The following OXR1 variants were observed in gnomAD, a reference collection of about 807,000 sequenced individuals.
The protein encoded by OXR1 is oxidation resistance protein 1.
OXR1 carries 41 observed loss-of-function variants against 104.6 expected under a neutral mutation model. The ratio of observed to expected loss-of-function variants is 0.39; its 90% CI spans 0.31 to 0.51. The LOEUF (loss-of-function observed/expected upper bound fraction) is 0.51. Among genes scored for constraint, OXR1 ranks in the 20% least tolerant of loss-of-function variants. The pLI is 0.77. For synonymous variants in OXR1, 348 were observed against 348.4 expected (o/e 1.00, Z 0.01); for missense variants, 955 against 1,031.9 (o/e 0.93, Z 1.02).
At chr8:106,694,473 TTA>T (rs1313735842) in intron 7 of OXR1, among the ~76,000 whole-genome samples, 257 of 120,056 alleles carry the variant, frequency 2.1e-3, no homozygotes, top group Non-Finnish European at 3.3e-3. Context: ...ATAAATATAT[TTA>T]TATATATATT....
chr8:106,585,493 T>C (rs952246875), intron 3 of OXR1, among the ~76,000 whole-genome samples: 1 of 152,178 alleles, frequency 6.6e-6, no homozygotes, highest in Admixed American at 6.5e-5. Context: ...AAATTTTACA[T>C]TATTTCATTA....
chr8:106,634,820 A>G (rs1232617750), intron 3 of OXR1, among the ~76,000 whole-genome samples: 1 of 151,920 alleles, frequency 6.6e-6, no homozygotes, highest in African/African-American at 2.4e-5. Context: ...TATTTCTGTA[A>G]CAAGCTCTTG....
At chr8:106,305,290 G>C (rs1480160511) in intron 1 of OXR1, among the ~76,000 whole-genome samples, 1 of 152,054 alleles carries the variant, frequency 6.6e-6, no homozygotes, top group Non-Finnish European at 1.5e-5. Context: ...ATTTTATAAA[G>C]AGATAATAAA....
At chr8:106,676,912 G>A (rs1434081389) in intron 3 of OXR1, among the ~76,000 whole-genome samples, 1 of 151,852 alleles carries the variant, frequency 6.6e-6, no homozygotes. Context: ...TTTTCCATTT[G>A]TTTTTCAAAC....
intron 2 of OXR1, among the ~76,000 whole-genome samples, chr8:106,405,424 T>A (rs1040798920): frequency 2.0e-5 from 3 of 152,032 alleles, no homozygotes; most frequent in Non-Finnish European, 4.4e-5. Context: ...TCTTTATCTC[T>A]TCTGTGAAAG....
chr8:106,277,652 A>T (rs1053472946), intron 1 of OXR1, among the ~76,000 whole-genome samples: 2 of 152,340 alleles, frequency 1.3e-5, no homozygotes, highest in Middle Eastern at 3.4e-3. Flanking sequence ...GTTGCACTGC[A>T]GTTTCCATTG....
intron 3 of OXR1, among the ~76,000 whole-genome samples, chr8:106,622,510 G>A (rs768994344): frequency 7.3e-6 from 1 of 137,838 alleles, no homozygotes; most frequent in Non-Finnish European, 1.6e-5. Context: ...TAATTCCCCC[G>A]CCATTACTCC....
intron 2 of OXR1, among the ~76,000 whole-genome samples, chr8:106,495,413 T>G (rs918959035): frequency 2.6e-5 from 4 of 151,484 alleles, no homozygotes; most frequent in Non-Finnish European, 4.4e-5. Context: ...GTAGATGGAA[T>G]GTAGTGGGAT....
At chr8:106,546,611 C>CA (rs1443410867) in intron 3 of OXR1, among the ~76,000 whole-genome samples, 3 of 152,114 alleles carry the variant, frequency 2.0e-5, no homozygotes, top group Non-Finnish European at 4.4e-5. Flanking sequence ...ATTACTGAAT[C>CA]AAAATGTTGC....
chr8:106,550,541 T>A (rs1815722287), intron 3 of OXR1, among the ~76,000 whole-genome samples: 1 of 152,114 alleles, frequency 6.6e-6, no homozygotes, highest in African/African-American at 2.4e-5. Context: ...TCCCCACACG[T>A]TGAGGGAGGG....
At chr8:106,376,483 T>A (rs1257806727) in intron 2 of OXR1, among the ~76,000 whole-genome samples, 4 of 152,164 alleles carry the variant, frequency 2.6e-5, no homozygotes, top group Non-Finnish European at 4.4e-5. Flanking sequence ...AGACAAAGAA[T>A]CTTGTTACAA....
At chr8:106,287,206 A>T (rs1812536251) in intron 1 of OXR1, among the ~76,000 whole-genome samples, 1 of 152,292 alleles carries the variant, frequency 6.6e-6, no homozygotes, top group East Asian at 1.9e-4. Flanking sequence ...ATTTCTCATG[A>T]TTTCTTTATG....
At chr8:106,287,814 C>T (rs1232915001) in intron 1 of OXR1, among the ~76,000 whole-genome samples, 2 of 152,188 alleles carry the variant, frequency 1.3e-5, no homozygotes, top group Non-Finnish European at 2.9e-5. Context: ...GCAAAATTAG[C>T]ATTCACATTT....
intron 2 of OXR1, chr8:106,448,027 CGAA>C: frequency 2.6e-6 from 4 of 1,535,786 alleles, no homozygotes; most frequent in Middle Eastern, 1.7e-4. Flanking sequence ...ACAGAAATGA[CGAA>C]GGACAAAAAC....
chr8:106,433,037 A>AG (rs1819425799), intron 2 of OXR1, among the ~76,000 whole-genome samples: 1 of 151,898 alleles, frequency 6.6e-6, no homozygotes, highest in African/African-American at 2.4e-5. Flanking sequence ...TGAAGACACG[A>AG]GAATTGCAAT....
At chr8:106,346,378 T>G (rs1815481035) in intron 1 of OXR1, among the ~76,000 whole-genome samples, 1 of 152,182 alleles carries the variant, frequency 6.6e-6, no homozygotes. Context: ...GTCTATTATG[T>G]GGTTCTTAAA....
intron 2 of OXR1, among the ~76,000 whole-genome samples, chr8:106,379,150 C>T (rs1026410202): frequency 1.3e-5 from 2 of 152,158 alleles, no homozygotes; most frequent in Admixed American, 6.5e-5. Flanking sequence ...TTAAAGGCAT[C>T]ATCCCAACCC....
chr8:106,303,248 CTTTTTTT>C (rs1164596413), intron 1 of OXR1, among the ~76,000 whole-genome samples: 30 of 92,336 alleles, frequency 3.2e-4, no homozygotes, highest in Non-Finnish European at 3.9e-4. Flanking sequence ...TTTTTTCTTT[CTTTTTTT>C]TTTTTTTTTT....
chr8:106,318,440 G>C (rs1814069112), intron 1 of OXR1, among the ~76,000 whole-genome samples: 1 of 152,084 alleles, frequency 6.6e-6, no homozygotes, highest in African/African-American at 2.4e-5. Flanking sequence ...TTTTTGTATG[G>C]TATTCAAGGC....
Sources: gnomAD v4.1 joint callset for allele counts (sites outside exome capture counted in the v4.1 genomes callset) on GRCh38, gnomAD v4.1.1 for gene constraint, MANE v1.5 for transcripts, NCBI Gene and HGNC (gene_info 2026-07-23, HGNC 2026-07-21) for gene names.